The following PCDHGB5 variants were observed in gnomAD, a reference collection of about 807,000 sequenced individuals.
PCDHGB5 encodes protocadherin gamma-B5.
A neutral mutation model predicts 62.9 loss-of-function variants in PCDHGB5; 48 were observed. The observed-to-expected ratio is 0.76, with a 90% confidence interval of 0.61 to 0.97. The LOEUF is 0.97. Ranked by LOEUF, PCDHGB5 falls within the 50% of genes least tolerant of loss-of-function variation. PCDHGB5 has a pLI of 0.00. For synonymous variants in PCDHGB5, 474 were observed against 511.2 expected (o/e 0.93, Z 0.98); for missense variants, 1,118 against 1,198.6 (o/e 0.93, Z 0.99).
Position 141,486,971 on chromosome 5 carries a change from T to G in PCDHGB5, c.2398-7836T>G. ...AAAGGTGACTGCTGTGGACTTGGAT[T>G]CAGGTTACAATGCTTGGGTTTCCTA... On this transcript the variant is annotated intron_variant, in intron 1 of 3. Transcript: ENST00000617380. The surrounding 1 kb of genome is among the most constrained non-coding windows in gnomAD (Gnocchi z 5.0). The G allele has an allele frequency of 6.2e-7, 1 of 1,614,220 alleles. No homozygotes were observed. The highest frequency in any genetic ancestry group is 8.5e-7 in the Non-Finnish European group (1 of 1,180,042).
rs2093591451 is a variant in PCDHGB5 at position 141,397,965 on chromosome 5, C to G, written c.-163C>G. On this transcript the variant is annotated 5_prime_UTR_variant, in exon 1 of 4. Coordinates refer to ENST00000617380, the MANE Select transcript of PCDHGB5 (RefSeq NM_018925.3). The stretch of plus-strand genomic sequence containing the variant: ...TTCCAGGGCAGCCCCAGCTCAGACT[C>G]CCCAGCGCCGGCCTTTACACCGCTT... The G allele has an allele frequency of 2.8e-6, 3 of 1,077,486 alleles. No homozygotes were observed. The highest frequency in any genetic ancestry group is 1.7e-5 in the South Asian group (1 of 59,358). 66.7% of individuals were successfully genotyped at this position (1,077,486 alleles called of 1,614,324 possible).
chr5:141,421,965 C>T (rs775450008), intron 1 of PCDHGB5: 3 of 1,610,242 alleles, frequency 1.9e-6, no homozygotes, highest in Non-Finnish European at 2.5e-6. Context: ...TTACACAGTC[C>T]GTATATCGCG....
At chr5:141,454,837 G>A (rs1269424734) in intron 1 of PCDHGB5, among the ~76,000 whole-genome samples, 4 of 90,354 alleles carry the variant, frequency 4.4e-5, no homozygotes, top group East Asian at 6.5e-4. Flanking sequence ...AGACAGAGTC[G>A]CGCTCTGTCA....
At chr5:141,436,467 A>G (rs2097825090) in intron 1 of PCDHGB5, among the ~76,000 whole-genome samples, 1 of 152,216 alleles carries the variant, frequency 6.6e-6, no homozygotes, top group South Asian at 2.1e-4. Flanking sequence ...GAATTTTCAG[A>G]TGTATCATAG....
chr5:141,500,430 C>T (rs2099800127), intron 2 of PCDHGB5, among the ~76,000 whole-genome samples: 1 of 151,676 alleles, frequency 6.6e-6, no homozygotes, highest in African/African-American at 2.4e-5. Context: ...AGGATGGTCT[C>T]GATCTCCTGA....
chr5:141,468,903 C>T (rs1265804352), intron 1 of PCDHGB5, among the ~76,000 whole-genome samples: 1 of 151,614 alleles, frequency 6.6e-6, no homozygotes, highest in Non-Finnish European at 1.5e-5. Context: ...CTAATATGAT[C>T]CAGACTAGAA....
At chr5:141,488,564 G>T (rs1047904416) in intron 1 of PCDHGB5, among the ~76,000 whole-genome samples, 1 of 152,154 alleles carries the variant, frequency 6.6e-6, no homozygotes, top group African/African-American at 2.4e-5. Context: ...TGAGATTTCC[G>T]CAAAGCATTG....
chr5:141,398,511 C>A lies in PCDHGB5; in HGVS notation c.384C>A (p.Asp128Glu). 1 of 1,595,066 alleles carries A rather than the reference C, an allele frequency of 6.3e-7. No individual in the cohort carries two copies. The highest frequency in any genetic ancestry group is 8.5e-7 in the Non-Finnish European group (1 of 1,171,236). The change falls in exon 1 of 4, where the codon GAC (aspartate) becomes GAA (glutamate). Residue 128 changes from aspartate (D) to glutamate (E), a missense_variant. Coordinates refer to ENST00000617380, the MANE Select transcript of PCDHGB5 (RefSeq NM_018925.3). ...ATGTGGAGATCGAGGACATTAATGA[C>A]CACACGCCAAAATTCACGCAAAATT... ...HVNVEIEDINDHTPKFTQNSF... is the reference protein window; with the variant it reads ...HVNVEIEDINEHTPKFTQNSF...
chr5:141,477,175 A>T lies in PCDHGB5; in HGVS notation c.2398-17632A>T, dbSNP rs1338347224. On this transcript the variant is annotated intron_variant, in intron 1 of 3. Transcript: ENST00000617380. This position sits in a 1 kb window ranked among gnomAD's most constrained non-coding sequence, Gnocchi z 4.9. ...TGAATGACAACGCCCCGGAGATCAC[A>T]GTCACCTCCGTGTACAGCCCAGTAC... is the stretch of plus-strand genomic sequence containing the variant. The T allele has an allele frequency of 1.2e-6, 2 of 1,614,186 alleles. No individual in the cohort carries two copies. The highest frequency in any genetic ancestry group is 3.3e-5 in the Admixed American group (2 of 60,028).
At chr5:141,418,147 C>T (rs781655205) in intron 1 of PCDHGB5, 3 of 1,614,040 alleles carry the variant, frequency 1.9e-6, no homozygotes, top group Admixed American at 3.3e-5. Flanking sequence ...AGCAAATATG[C>T]AAAGAGAGAA....
At chr5:141,478,117 C>T (rs1419172538) in intron 1 of PCDHGB5, 2 of 1,614,058 alleles carry the variant, frequency 1.2e-6, no homozygotes, top group East Asian at 4.5e-5. Flanking sequence ...TGTCAGTAAC[C>T]GAGGACTCTC....
chr5:141,412,987 A>C lies in PCDHGB5; in HGVS notation c.2397+12463A>C, dbSNP rs192699644. Reference sequence around the variant, plus strand: ...AGGAGAGAAAACGCAGCCAGAGCTCAATCCGGATTCTCAGGGCTTCAACTA... The same window carrying C: ...AGGAGAGAAAACGCAGCCAGAGCTCCATCCGGATTCTCAGGGCTTCAACTA... On this transcript the variant is annotated intron_variant, in intron 1 of 3. Transcript: ENST00000617380. The C allele has an allele frequency of 5.3e-6, 3 of 564,534 alleles. No homozygotes were observed. In the African/African-American group the frequency reaches 5.7e-5, roughly 11 times the overall value. The allele number at this position is 564,534 out of a possible 1,614,324, so 35.0% of individuals were successfully genotyped here.
chr5:141,423,569 TC>T (rs2096755253), intron 1 of PCDHGB5: 1 of 1,613,362 alleles, frequency 6.2e-7, no homozygotes, highest in Non-Finnish European at 8.5e-7. Context: ...GACACGCTCA[TC>T]AGCCAGGAGA....
intron 1 of PCDHGB5, chr5:141,400,772 G>T: frequency 1.8e-6 from 1 of 570,264 alleles, no homozygotes. Context: ...AAAACATTTG[G>T]TGCGTTTTTT....
At chr5:141,435,863 C>T (rs772361494) in intron 1 of PCDHGB5, among the ~76,000 whole-genome samples, 16 of 151,882 alleles carry the variant, frequency 1.1e-4, no homozygotes, top group Non-Finnish European at 2.2e-4. Context: ...TAGTTAAAAC[C>T]CAGAAAAGAG....
intron 1 of PCDHGB5, among the ~76,000 whole-genome samples, chr5:141,455,419 G>T (rs1462099602): frequency 6.6e-6 from 1 of 152,124 alleles, no homozygotes; most frequent in Non-Finnish European, 1.5e-5. Flanking sequence ...AGGGAGCGGG[G>T]CTCCAAAAGA....
At chr5:141,405,881 T>C (rs998587989) in intron 1 of PCDHGB5, among the ~76,000 whole-genome samples, 4 of 152,210 alleles carry the variant, frequency 2.6e-5, no homozygotes, top group Admixed American at 2.6e-4. Flanking sequence ...GGCCTAATTG[T>C]TGCTCCAACA....
At position 141,477,811 on chromosome 5, in the gene PCDHGB5, C is replaced by A. The variant is rs1211574518; in HGVS notation, c.2398-16996C>A. 1 of 1,614,046 alleles carries A rather than the reference C, an allele frequency of 6.2e-7. No individual in the cohort carries two copies. Among genetic ancestry groups the A allele is most frequent in the Non-Finnish European group, 8.5e-7 (1 of 1,180,034 alleles). On this transcript the variant is annotated intron_variant, in intron 1 of 3. Transcript: ENST00000617380. This position sits in a 1 kb window ranked among gnomAD's most constrained non-coding sequence, Gnocchi z 4.9. ...TCACTGATCGCAATGACAATGCCCC[C>A]CAGGTCCTATATCCTCGGCCAGGTG...
At chr5:141,435,421 C>T (rs1384040447) in intron 1 of PCDHGB5, among the ~76,000 whole-genome samples, 2 of 152,096 alleles carry the variant, frequency 1.3e-5, no homozygotes, top group Non-Finnish European at 2.9e-5. Context: ...CTATTTTTCA[C>T]TTCTGTTATG....
Sources: gnomAD v4.1 joint callset for allele counts (sites outside exome capture counted in the v4.1 genomes callset) on GRCh38, gnomAD v4.1.1 for gene constraint, Gnocchi (gnomAD v3.1) non-coding constraint, MANE v1.5 for transcripts, NCBI Gene and HGNC (gene_info 2026-07-23, HGNC 2026-07-21) for gene names.